The following TIAM2 variants were observed in gnomAD, a reference collection of about 807,000 sequenced individuals.
The protein encoded by TIAM2 is TIAM Rac1 associated GEF 2.
Under a neutral mutation model 152.9 loss-of-function variants are expected in TIAM2, and 80 were observed. The ratio of observed to expected loss-of-function variants is 0.52; its 90% confidence interval spans 0.44 to 0.63. The LOEUF (loss-of-function observed/expected upper bound fraction) is 0.63. TIAM2 is among the 30% of genes least tolerant of loss of function. TIAM2 has a pLI of 0.00. For synonymous variants in TIAM2, 804 were observed against 838.0 expected, an observed-to-expected ratio of 0.96 and a Z score of 0.70; for missense variants, 1,965 against 2,120.1, an observed-to-expected ratio of 0.93 and a Z score of 1.44.
intron 19 of TIAM2, among the ~76,000 whole-genome samples, chr6:155,247,150 G>A (rs1783381720): frequency 6.6e-6 from 1 of 152,218 alleles, no homozygotes; most frequent in Admixed American, 6.5e-5. Flanking sequence ...GCAGGCTGTG[G>A]TGCCTGTCAC....
intron 1 of TIAM2, among the ~76,000 whole-genome samples, chr6:155,073,907 TCCCCACAAA>T (rs1777898388): frequency 6.6e-6 from 1 of 152,076 alleles, no homozygotes; most frequent in African/African-American, 2.4e-5. Context: ...ACATTGGTAA[TCCCCACAAA>T]ATCCCTTTGA....
chr6:155,241,879 C>T (rs1332280393), intron 16 of TIAM2, among the ~76,000 whole-genome samples: 2 of 152,220 alleles, frequency 1.3e-5, no homozygotes, highest in Non-Finnish European at 2.9e-5. Context: ...ATTTTGGAAG[C>T]TTCAGAGCCC....
chr6:155,116,556 G>A (rs1458477729), intron 2 of TIAM2, among the ~76,000 whole-genome samples: 1 of 152,180 alleles, frequency 6.6e-6, no homozygotes, highest in East Asian at 1.9e-4. Context: ...GTTTTGCCAA[G>A]AATAACTTGG....
rs1298107132 is a variant in TIAM2 at position 155,044,878 on chromosome 6, ATTAAC to A, written c.-208-45408_-208-45404del. ...GTCTCCGAATATATTATCCCTCTCT[ATTAAC>A]TTTGTGTTTTGCTCTCTGTTTTTCA... On this transcript the variant is annotated intron_variant, in intron 1 of 26. Transcript: ENST00000682666. Among the ~76,000 whole-genome samples the A allele has an allele frequency of 3.3e-5, 5 of 151,404 alleles. No individual in the cohort carries two copies. In the East Asian group the frequency reaches 7.8e-4, roughly 23 times the overall value.
chr6:155,236,205 G>A (rs971994637), intron 15 of TIAM2, among the ~76,000 whole-genome samples: 7 of 151,830 alleles, frequency 4.6e-5, no homozygotes, highest in African/African-American at 9.7e-5. Flanking sequence ...CCTGTAGCCC[G>A]TGAGCTCTGT....
Position 155,164,550 on chromosome 6 carries a change from C to G in TIAM2, c.2164C>G (p.Leu722Val). 1 of 1,614,112 alleles carries G rather than the reference C, an allele frequency of 6.2e-7. No homozygotes were observed. The highest frequency in any genetic ancestry group is 8.5e-7 in the Non-Finnish European group (1 of 1,179,988). The change falls in exon 8 of 27, where the codon CTG becomes GTG. Residue 722 changes from leucine (L) to valine (V), a missense_variant. Transcript: ENST00000682666. ...LLAAASRPSK[L>V]ALGRLGILSV... ...TGCAGCCGCCAGCCGCCCCTCCAAG[C>G]TGGCCCTCGGCAGGCTGGGCATCTT...
intron 4 of TIAM2, among the ~76,000 whole-genome samples, chr6:155,133,538 C>G (rs1166090698): frequency 6.6e-6 from 1 of 151,880 alleles, no homozygotes; most frequent in Admixed American, 6.6e-5. Flanking sequence ...CATAATTTAC[C>G]TTAGAGCTCC....
chr6:155,028,637 TTATATA>T (rs1299690742), intron 1 of TIAM2, among the ~76,000 whole-genome samples: 1 of 116,554 alleles, frequency 8.6e-6, no homozygotes, highest in African/African-American at 3.1e-5. Flanking sequence ...ATATACTGTG[TTATATA>T]TATACTACAT....
intron 2 of TIAM2, among the ~76,000 whole-genome samples, chr6:155,123,855 A>G (rs1391942645): frequency 1.3e-5 from 2 of 152,144 alleles, no homozygotes; most frequent in African/African-American, 2.4e-5. Flanking sequence ...AAAGGAAACA[A>G]ATGAAGGCTC....
At chr6:155,216,408 A>G (rs1781862673) in intron 15 of TIAM2, among the ~76,000 whole-genome samples, 1 of 152,236 alleles carries the variant, frequency 6.6e-6, no homozygotes, top group Non-Finnish European at 1.5e-5. Context: ...CTTGAAAATC[A>G]AATGAAGCCT....
At chr6:155,249,744 A>T in intron 20 of TIAM2, 107 bp from the exon 21 acceptor site, 1 of 839,404 alleles carries the variant, frequency 1.2e-6, no homozygotes, top group South Asian at 1.8e-5. Flanking sequence ...GCTAGTGGGT[A>T]CTGGTCTGGA....
intron 1 of TIAM2, among the ~76,000 whole-genome samples, chr6:155,032,716 A>G (rs1198737433): frequency 6.6e-6 from 1 of 151,912 alleles, no homozygotes; most frequent in East Asian, 1.9e-4. Context: ...AATTTTTTGT[A>G]TTTTTAGTAG....
intron 14 of TIAM2, among the ~76,000 whole-genome samples, chr6:155,185,446 AT>A (rs916155914): frequency 6.6e-6 from 1 of 150,872 alleles, no homozygotes; most frequent in Non-Finnish European, 1.5e-5. Context: ...TTCTTTTTAA[AT>A]TTTTTTTTAA....
intron 2 of TIAM2, among the ~76,000 whole-genome samples, chr6:155,112,924 A>G (rs2115009738): frequency 8.1e-6 from 1 of 124,080 alleles, no homozygotes. Flanking sequence ...GCTGGGGCGC[A>G]TTGCCTCTCC....
intron 15 of TIAM2, among the ~76,000 whole-genome samples, chr6:155,239,408 C>A (rs1243952721): frequency 6.6e-6 from 1 of 152,222 alleles, no homozygotes; most frequent in Admixed American, 6.5e-5. Context: ...CCACCCTGCC[C>A]TCACTGGGCT....
intron 1 of TIAM2, among the ~76,000 whole-genome samples, chr6:155,029,139 A>G (rs1204467742): frequency 8.2e-6 from 1 of 121,918 alleles, no homozygotes; most frequent in Admixed American, 9.3e-5. Context: ...TATGTGTTAT[A>G]TACACTATAT....
At chr6:155,122,849 C>CTT (rs34773829) in intron 2 of TIAM2, among the ~76,000 whole-genome samples, 1 of 142,878 alleles carries the variant, frequency 7.0e-6, no homozygotes, top group Non-Finnish European at 1.5e-5. Flanking sequence ...TTTTAAAGTA[C>CTT]TTTTTTTTTT....
At chr6:155,074,704 C>T (rs557012151) in intron 1 of TIAM2, among the ~76,000 whole-genome samples, 2 of 152,072 alleles carry the variant, frequency 1.3e-5, no homozygotes, top group South Asian at 4.2e-4. Context: ...AAGGCTTTTT[C>T]TTGTGTGTTT....
intron 1 of TIAM2, among the ~76,000 whole-genome samples, chr6:155,001,699 C>T (rs1319780138): frequency 6.6e-6 from 1 of 152,200 alleles, no homozygotes; most frequent in East Asian, 1.9e-4. Context: ...CTACAGTGTT[C>T]ATTGTGTTTT....
Sources: gnomAD v4.1 joint callset for allele counts (sites outside exome capture counted in the v4.1 genomes callset) on GRCh38, gnomAD v4.1.1 for gene constraint, MANE v1.5 for transcripts, NCBI Gene and HGNC (gene_info 2026-07-23, HGNC 2026-07-21) for gene names.